GSG1L: variants seen among roughly 807,000 people sequenced by gnomAD.
The protein encoded by GSG1L is germ cell-specific gene 1-like protein.
Under a neutral mutation model 42.1 loss-of-function variants are expected in GSG1L, and 24 were observed. The ratio of observed to expected loss-of-function variants is 0.57; its 90% confidence interval spans 0.41 to 0.80. The LOEUF (loss-of-function observed/expected upper bound fraction) is 0.80. GSG1L is among the 30% of genes least tolerant of loss of function. The probability of loss-of-function intolerance (pLI) is 0.00; values close to 1 mark genes in which losing one functional copy is unlikely to be tolerated. For missense variants in GSG1L, 445 were observed against 472.2 expected (o/e 0.94, Z 0.53); for synonymous variants, 215 against 203.5 (o/e 1.06, Z -0.48).
chr16:27,974,170 G>C (rs1209346481), intron 1 of GSG1L, among the ~76,000 whole-genome samples: 1 of 152,154 alleles, frequency 6.6e-6, no homozygotes, highest in Admixed American at 6.5e-5. Flanking sequence ...GGACAGCAGA[G>C]GGAATTCATG....
chr16:27,909,635 C>CT (rs10709968), intron 2 of GSG1L, among the ~76,000 whole-genome samples: 1,369 of 88,104 alleles, frequency 0.016, 7 homozygotes, highest in East Asian at 0.033. Flanking sequence ...CTGCACCCAG[C>CT]TTTTTTTTTT....
In GSG1L at chr16:28,032,261, C is replaced by T. The variant is rs150261045; in HGVS notation, c.349+30815G>A. ...GATTCTCACCTTAGATTAGGTAAAG[C>T]CACTGAAACAAGTAAGAAAGCCTCT... On this transcript the variant is annotated intron_variant, in intron 1 of 6. Transcript: ENST00000447459. Among the ~76,000 whole-genome samples, 698 of 152,274 alleles carry T rather than the reference C, an allele frequency of 4.6e-3. 9 individuals carry two copies. The highest frequency in any genetic ancestry group is 0.016 in the African/African-American group (650 of 41,536).
chr16:27,816,718 C>G (rs1376667956), intron 5 of GSG1L, among the ~76,000 whole-genome samples: 1 of 152,072 alleles, frequency 6.6e-6, no homozygotes, highest in Non-Finnish European at 1.5e-5. Flanking sequence ...AATGGGCCTT[C>G]GTGAGCAGTC....
intron 5 of GSG1L, among the ~76,000 whole-genome samples, chr16:27,808,419 ATCT>A (rs1197521154): frequency 7.2e-6 from 1 of 139,800 alleles, no homozygotes; most frequent in Admixed American, 7.1e-5. Context: ...ATTAAAACAC[ATCT>A]TTTTTTTTTT....
chr16:27,913,114 C>T (rs11647992), intron 2 of GSG1L, among the ~76,000 whole-genome samples: 5,146 of 152,122 alleles, frequency 0.034, 236 homozygotes, highest in East Asian at 0.16. Flanking sequence ...TAAGCCACCA[C>T]GCCTGGCCAA....
intron 5 of GSG1L, among the ~76,000 whole-genome samples, chr16:27,808,355 G>C (rs545194411): frequency 1.3e-5 from 2 of 152,080 alleles, no homozygotes; most frequent in East Asian, 3.9e-4. Flanking sequence ...CCAAAACTCT[G>C]GGATTATAGG....
rs549604642 is a variant in GSG1L at position 27,884,660 on chromosome 16, G to T, written c.398-22C>A. The T allele has an allele frequency of 1.3e-6, 2 of 1,558,058 alleles. No homozygotes were observed. The highest frequency in any genetic ancestry group is 1.7e-6 in the Non-Finnish European group (2 of 1,150,466). ...ACCCCTGTCCAACAGAGGCAGAGAG[G>T]CCGTGAGATGAGGGGCCACCCAAGA... On this transcript the variant is annotated intron_variant, in intron 2 of 6. Coordinates refer to ENST00000447459, the MANE Select transcript of GSG1L (RefSeq NM_001109763.2). This position sits in a 1 kb window ranked among gnomAD's most constrained non-coding sequence, Gnocchi z 4.4.
chr16:27,921,598 C>G (rs182076749), intron 2 of GSG1L, among the ~76,000 whole-genome samples: 1 of 152,202 alleles, frequency 6.6e-6, no homozygotes, highest in Admixed American at 6.5e-5. Flanking sequence ...GGATTTCCCT[C>G]TCCCTCATTT....
chr16:27,924,325 ATGTG>A (rs35592824), intron 2 of GSG1L, among the ~76,000 whole-genome samples: 1 of 151,820 alleles, frequency 6.6e-6, no homozygotes, highest in Non-Finnish European at 1.5e-5. Flanking sequence ...ACGTGTATGT[ATGTG>A]TGTGTACACA....
intron 3 of GSG1L, among the ~76,000 whole-genome samples, chr16:27,857,958 AC>A (rs1350101762): frequency 6.7e-6 from 1 of 149,284 alleles, no homozygotes; most frequent in African/African-American, 2.5e-5. Flanking sequence ...GCCCCAGCTC[AC>A]CCCCCACCAG....
intron 1 of GSG1L, among the ~76,000 whole-genome samples, chr16:27,967,695 T>C (rs564025702): frequency 1.5e-3 from 229 of 152,324 alleles, no homozygotes; most frequent in African/African-American, 5.2e-3. Context: ...GGAGGATCAC[T>C]TGAGCCCAGG....
intron 3 of GSG1L, among the ~76,000 whole-genome samples, chr16:27,871,626 G>A (rs2083821733): frequency 6.6e-6 from 1 of 152,126 alleles, no homozygotes; most frequent in African/African-American, 2.4e-5. Flanking sequence ...GGGTGACAGA[G>A]GGAGATCCTG....
intron 2 of GSG1L, among the ~76,000 whole-genome samples, chr16:27,921,109 A>C (rs1189480539): frequency 1.3e-5 from 2 of 152,140 alleles, no homozygotes; most frequent in Non-Finnish European, 2.9e-5. Context: ...ATCCAGTTAT[A>C]TCACTCCCCT....
chr16:27,899,911 G>A (rs766948207), intron 2 of GSG1L, among the ~76,000 whole-genome samples: 2 of 152,194 alleles, frequency 1.3e-5, no homozygotes, highest in Non-Finnish European at 2.9e-5. Context: ...GGGAGGTACT[G>A]TCCAACTGGG....
chr16:27,862,091 G>A (rs2083660564), intron 3 of GSG1L, among the ~76,000 whole-genome samples: 1 of 152,136 alleles, frequency 6.6e-6, no homozygotes, highest in Non-Finnish European at 1.5e-5. Context: ...CAACTCTAAG[G>A]TGATCCCATG....
intron 2 of GSG1L, among the ~76,000 whole-genome samples, chr16:27,888,778 C>T (rs1488540300): frequency 1.3e-5 from 2 of 151,354 alleles, no homozygotes; most frequent in Non-Finnish European, 2.9e-5. Context: ...CCACCATGCC[C>T]GGCTAATTTT....
At chr16:28,042,520 T>C (rs1270618771) in intron 1 of GSG1L, among the ~76,000 whole-genome samples, 1 of 151,788 alleles carries the variant, frequency 6.6e-6, no homozygotes, top group Non-Finnish European at 1.5e-5. Context: ...TAACCAGCAG[T>C]ACCATTGGAG....
chr16:27,939,978 G>A (rs2084768637), intron 2 of GSG1L, among the ~76,000 whole-genome samples: 1 of 152,170 alleles, frequency 6.6e-6, no homozygotes, highest in African/African-American at 2.4e-5. Flanking sequence ...ATCGTGCCTG[G>A]CTGGGAAAGA....
chr16:27,907,043 A>T (rs1205595289), intron 2 of GSG1L, among the ~76,000 whole-genome samples: 1 of 152,222 alleles, frequency 6.6e-6, no homozygotes, highest in African/African-American at 2.4e-5. Context: ...CTACAGGGCT[A>T]GTATCCTCAG....
Sources: gnomAD v4.1 joint callset for allele counts (sites outside exome capture counted in the v4.1 genomes callset) on GRCh38, gnomAD v4.1.1 for gene constraint, Gnocchi (gnomAD v3.1) non-coding constraint, MANE v1.5 for transcripts, NCBI Gene and HGNC (gene_info 2026-07-23, HGNC 2026-07-21) for gene names.